PTDSS2: variants seen among roughly 807,000 people sequenced by gnomAD.
The protein encoded by PTDSS2 is phosphatidylserine synthase 2, also known as PSS-2.
Under a neutral mutation model 64.7 loss-of-function variants are expected in PTDSS2, and 41 were observed. That is an observed-to-expected ratio of 0.63 (90% confidence interval 0.49 to 0.82). The LOEUF (loss-of-function observed/expected upper bound fraction) is 0.82. PTDSS2 is among the 40% of genes least tolerant of loss of function. The pLI is 0.00. For missense variants in PTDSS2, 485 were observed against 650.0 expected (o/e 0.75, Z 2.76); for synonymous variants, 297 against 277.8 (o/e 1.07, Z -0.69).
At chr11:473,747 A>AGGCGGCAAATGTGAGCGCGAAT (rs1199817836) in intron 2 of PTDSS2, 148 bp from the exon 3 acceptor site, 1 of 672,756 alleles carries the variant, frequency 1.5e-6, no homozygotes, top group African/African-American at 1.8e-5. Context: ...CCCGCGGCGG[A>AGGCGGCAAATGTGAGCGCGAAT]GTCGCCCAGC....
intron 4 of PTDSS2, among the ~76,000 whole-genome samples, chr11:484,751 G>T (rs896874532): frequency 6.8e-6 from 1 of 147,818 alleles, no homozygotes; most frequent in Non-Finnish European, 1.5e-5. Flanking sequence ...GTGTGCGCAG[G>T]CGAGTGTAAG....
At chr11:469,640 G>C (rs1847326575) in intron 2 of PTDSS2, among the ~76,000 whole-genome samples, 1 of 152,140 alleles carries the variant, frequency 6.6e-6, no homozygotes, top group Non-Finnish European at 1.5e-5. Context: ...TGTGTGCGCA[G>C]TGGTTAATGG....
chr11:487,596 AGC>A, intron 6 of PTDSS2, 126 bp downstream of exon 6: 1 of 880,984 alleles, frequency 1.1e-6, no homozygotes, highest in Non-Finnish European at 1.9e-6. Context: ...GTCGCACTGC[AGC>A]CACCCAGAGG....
rs1846906757 is a variant in PTDSS2 at position 461,935 on chromosome 11, GA to G, written c.284+1648del. ...TGTGTGCCTAGAGGGAGCTTTCAAGGAGGACTTGGTCTTTCTTGAATTCATC... is the reference window on the plus strand; with the variant it reads ...TGTGTGCCTAGAGGGAGCTTTCAAGGGGACTTGGTCTTTCTTGAATTCATC... On this transcript the variant is annotated intron_variant, in intron 2 of 11. Transcript: ENST00000308020. The surrounding 1 kb of genome is among the most constrained non-coding windows in gnomAD (Gnocchi z 4.2). Among the ~76,000 whole-genome samples the G allele has an allele frequency of 6.6e-6, 1 of 152,184 alleles. No homozygotes were observed. Among genetic ancestry groups the G allele is most frequent in the South Asian group, 2.1e-4 (1 of 4,832 alleles).
rs185298074 is a variant in PTDSS2, at chr11:470,195, C to G, written c.285-3700C>G. On this transcript the variant is annotated intron_variant, in intron 2 of 11. Transcript: ENST00000308020. The surrounding 1 kb of genome is among the most constrained non-coding windows in gnomAD (Gnocchi z 5.3). ...GGAGGAGGACGCTGCAGCCGAGGTG[C>G]CCGCAGACACCCCCAAGCCCAGTGG... 6.6e-6 allele frequency among the ~76,000 whole-genome samples: 1 copy of G among 152,196 alleles called. No homozygotes were observed. The highest frequency in any genetic ancestry group is 1.5e-5 in the Non-Finnish European group (1 of 68,040).
At position 479,507 on chromosome 11, in the gene PTDSS2, G is replaced by A. The variant is rs1050647709; in HGVS notation, c.435+355G>A. ...GGGCCAGTGGTGCAGCTGCCAGGGT[G>A]GCTTTGCCCACAGCTGTCGTATCTG... is the stretch of plus-strand genomic sequence containing the variant. On this transcript the variant is annotated intron_variant, in intron 4 of 11. Transcript: ENST00000308020. This position sits in a 1 kb window ranked among gnomAD's most constrained non-coding sequence, Gnocchi z 4.2. 1.7e-5 allele frequency: 6 copies of A among 347,654 alleles called. No homozygotes were observed. Among genetic ancestry groups the A allele is most frequent in the African/African-American group, 1.3e-4 (6 of 47,156 alleles). 21.5% of individuals were successfully genotyped at this position (347,654 alleles called of 1,614,324 possible). A position where few individuals can be genotyped will look rare whatever the true frequency, so the allele number is the denominator to read the frequency against.
chr11:457,047 C>T (rs1364380811), intron 1 of PTDSS2, among the ~76,000 whole-genome samples: 2 of 152,158 alleles, frequency 1.3e-5, no homozygotes, highest in Non-Finnish European at 2.9e-5. Context: ...TTGAGACCAG[C>T]CTGGAAAACA....
intron 4 of PTDSS2, among the ~76,000 whole-genome samples, chr11:486,130 G>A (rs1377759579): frequency 6.6e-6 from 1 of 152,234 alleles, no homozygotes; most frequent in Non-Finnish European, 1.5e-5. Context: ...GTGAGCACAG[G>A]TGTCTGTAAA....
chr11:484,874 A>G (rs1246066080), intron 4 of PTDSS2, among the ~76,000 whole-genome samples: 1 of 132,770 alleles, frequency 7.5e-6, no homozygotes, highest in Non-Finnish European at 1.6e-5. Flanking sequence ...CACTGTGCGC[A>G]GGCGTCTGTA....
At chr11:458,013 G>A (rs1355645874) in intron 1 of PTDSS2, among the ~76,000 whole-genome samples, 3 of 152,188 alleles carry the variant, frequency 2.0e-5, no homozygotes, top group East Asian at 3.9e-4. Flanking sequence ...CCGTTCCAGC[G>A]GATGTGTACT....
intron 2 of PTDSS2, chr11:463,888 A>C (rs1847019804): frequency 6.6e-6 from 1 of 152,204 alleles, no homozygotes; most frequent in African/African-American, 2.4e-5. Context: ...TTAAAGTTAA[A>C]AAGTTATAAA....
upstream of PTDSS2, among the ~76,000 whole-genome samples, chr11:449,943 G>A (rs368391044): frequency 2.0e-4 from 31 of 152,294 alleles, no homozygotes; most frequent in Middle Eastern, 3.4e-3. Context: ...GCGAGACTCC[G>A]TCTCAAAAAG....
At chr11:454,851 T>A (rs918790942) in intron 1 of PTDSS2, among the ~76,000 whole-genome samples, 4 of 152,216 alleles carry the variant, frequency 2.6e-5, no homozygotes. Context: ...CCTGTCTTTG[T>A]GTGCTGTGGA....
chr11:468,976 G>A (rs1177056748), intron 2 of PTDSS2, among the ~76,000 whole-genome samples: 1 of 140,042 alleles, frequency 7.1e-6, no homozygotes, highest in Non-Finnish European at 1.5e-5. Context: ...GGGAGGAGGA[G>A]GGGAGTCTCT....
chr11:469,186 CAGAG>C (rs1847289999), intron 2 of PTDSS2, among the ~76,000 whole-genome samples: 1 of 102,808 alleles, frequency 9.7e-6, no homozygotes, highest in African/African-American at 4.1e-5. Flanking sequence ...TCTGGGTAAT[CAGAG>C]GGAGGAGGAG....
chr11:489,985 G>A lies in PTDSS2; in HGVS notation c.1218G>A (p.Leu406=), dbSNP rs149606604. 8.1e-6 allele frequency: 13 copies of A among 1,612,324 alleles called. No individual in the cohort carries two copies. Among genetic ancestry groups the A allele is most frequent in the Non-Finnish European group, 1.1e-5 (13 of 1,179,976 alleles). The stretch of plus-strand genomic sequence containing the variant: ...AGTACGACCCCCACACGCTCACCCT[G>A]TCCCTGCCCTTCTACATCTCCCAGT... ...VVKYDPHTLT[L]SLPFYISQCW... is the part of the protein sequence containing the mutation. The change falls in exon 11 of 12, where the codon CTG becomes CTA. Residue 406 remains leucine (L), a synonymous_variant. Coordinates refer to ENST00000308020, the MANE Select transcript of PTDSS2 (RefSeq NM_030783.3).
intron 2 of PTDSS2, among the ~76,000 whole-genome samples, chr11:465,321 G>A (rs1246569385): frequency 6.6e-6 from 1 of 152,212 alleles, no homozygotes; most frequent in African/African-American, 2.4e-5. Flanking sequence ...CTCCCAAGGA[G>A]CTAGGACTAC....
intron 1 of PTDSS2, among the ~76,000 whole-genome samples, chr11:453,684 A>G (rs188120992): frequency 7.7e-4 from 118 of 152,366 alleles, no homozygotes; most frequent in Non-Finnish European, 1.5e-3. Flanking sequence ...CAGAAGGGCC[A>G]GTGCCCGGTC....
chr11:478,451 CAA>C (rs34836032), intron 3 of PTDSS2, among the ~76,000 whole-genome samples: 2 of 140,884 alleles, frequency 1.4e-5, no homozygotes, highest in African/African-American at 5.2e-5. Flanking sequence ...GACCTTGTCT[CAA>C]AAAAAAAAAG....
Sources: gnomAD v4.1 joint callset for allele counts (sites outside exome capture counted in the v4.1 genomes callset) on GRCh38, gnomAD v4.1.1 for gene constraint, Gnocchi (gnomAD v3.1) non-coding constraint, MANE v1.5 for transcripts, NCBI Gene and HGNC (gene_info 2026-07-23, HGNC 2026-07-21) for gene names.